The following MYLK4 variants were observed in gnomAD, a reference collection of about 807,000 sequenced individuals.
MYLK4 encodes the protein myosin light chain kinase family member 4.
A neutral mutation model predicts 48.1 loss-of-function variants in MYLK4; 46 were observed. That is an observed-to-expected ratio of 0.96 (90% CI 0.75 to 1.22). The LOEUF (loss-of-function observed/expected upper bound fraction) is 1.22. Among genes scored for constraint, MYLK4 ranks in the 50% most tolerant of loss-of-function variants. The pLI is 0.00. For missense variants in MYLK4, 451 were observed against 486.1 expected (o/e 0.93, Z 0.68); for synonymous variants, 170 against 180.8 (o/e 0.94, Z 0.48).
upstream of MYLK4, among the ~76,000 whole-genome samples, chr6:2,753,249 A>G (rs1335897591): frequency 6.6e-6 from 1 of 152,224 alleles, no homozygotes; most frequent in Non-Finnish European, 1.5e-5. Flanking sequence ...AAGGAGCCAC[A>G]TGAAGAAACA....
chr6:2,727,942 G>C (rs1763336843), intron 2 of MYLK4, among the ~76,000 whole-genome samples: 1 of 62,234 alleles, frequency 1.6e-5, no homozygotes, highest in Non-Finnish European at 3.1e-5. Flanking sequence ...GCAGGACTCC[G>C]TCTCAAAAAA....
intron 2 of MYLK4, among the ~76,000 whole-genome samples, chr6:2,717,134 T>C (rs999048124): frequency 1.3e-5 from 2 of 152,192 alleles, no homozygotes; most frequent in Non-Finnish European, 2.9e-5. Flanking sequence ...CAAGGTGAAC[T>C]CCTGAACTTT....
At chr6:2,710,960 G>A (rs898236071) in intron 2 of MYLK4, among the ~76,000 whole-genome samples, 3 of 152,144 alleles carry the variant, frequency 2.0e-5, no homozygotes, top group African/African-American at 7.2e-5. Context: ...GTGGTTTCAA[G>A]TTTATTCCTT....
At chr6:2,700,149 C>G (rs992091550) in intron 2 of MYLK4, among the ~76,000 whole-genome samples, 1 of 152,144 alleles carries the variant, frequency 6.6e-6, no homozygotes, top group Non-Finnish European at 1.5e-5. Flanking sequence ...AACGCTGAGT[C>G]CTCTGACTTG....
At chr6:2,676,348 A>T (rs1761084091) in intron 10 of MYLK4, among the ~76,000 whole-genome samples, 1 of 152,170 alleles carries the variant, frequency 6.6e-6, no homozygotes, top group Non-Finnish European at 1.5e-5. Context: ...TAATTTTTAA[A>T]AACCTCGTGA....
At chr6:2,684,381 T>G (rs1761446746) in intron 6 of MYLK4, among the ~76,000 whole-genome samples, 1 of 152,184 alleles carries the variant, frequency 6.6e-6, no homozygotes, top group Non-Finnish European at 1.5e-5. Context: ...AATTTTCCAC[T>G]TAATATTTTG....
At chr6:2,717,921 C>A (rs1762926348) in intron 2 of MYLK4, among the ~76,000 whole-genome samples, 1 of 152,168 alleles carries the variant, frequency 6.6e-6, no homozygotes, top group South Asian at 2.1e-4. Context: ...TGGCTCATGC[C>A]TGTAATCCCA....
intron 7 of MYLK4, among the ~76,000 whole-genome samples, chr6:2,681,215 G>T (rs7740719): frequency 0.25 from 37,840 of 152,038 alleles, 4,916 homozygotes; most frequent in East Asian, 0.42. Flanking sequence ...CCTTTAGTGG[G>T]ATCAGGCTCC....
chr6:2,761,770 A>C, the MYLK4 span, among the ~76,000 whole-genome samples: 3 of 152,192 alleles, frequency 2.0e-5, no homozygotes, highest in South Asian at 6.2e-4. Context: ...AAATAGCTCA[A>C]CTTCATCCAT....
intron 2 of MYLK4, among the ~76,000 whole-genome samples, chr6:2,730,100 G>A (rs956833830): frequency 2.0e-4 from 31 of 152,220 alleles, no homozygotes; most frequent in African/African-American, 4.3e-4. Context: ...GAAGCGTTCC[G>A]CAGGCCATCT....
At chr6:2,760,120 T>A in the MYLK4 span, among the ~76,000 whole-genome samples, 1 of 152,136 alleles carries the variant, frequency 6.6e-6, no homozygotes, top group Non-Finnish European at 1.5e-5. Flanking sequence ...ATTTAAAATA[T>A]ATGAGCATAT....
the MYLK4 span, chr6:2,768,745 G>A: frequency 1.2e-6 from 2 of 1,613,982 alleles, no homozygotes; most frequent in Non-Finnish European, 1.7e-6. Context: ...CATAAGGTTT[G>A]TGACATTATC....
At chr6:2,765,182 A>ACCCCCCCCCCCCCCCCCCCCCCCC in the MYLK4 span, among the ~76,000 whole-genome samples, 1 of 72,924 alleles carries the variant, frequency 1.4e-5, no homozygotes, top group African/African-American at 5.2e-5. Context: ...TCGCCTCGCA[A>ACCCCCCCCCCCCCCCCCCCCCCCC]CCCCCCCCCC....
At chr6:2,754,915 T>C (rs1158927026), upstream of MYLK4, among the ~76,000 whole-genome samples, 1 of 152,176 alleles carries the variant, frequency 6.6e-6, no homozygotes, top group Non-Finnish European at 1.5e-5. Context: ...CAATATAAGA[T>C]TTTGTAATTA....
rs1760692648 is a variant in MYLK4, at chr6:2,667,266, ACG to A, written c.*657_*658del. 2 of 151,724 alleles carry A rather than the reference ACG, an allele frequency of 1.3e-5. No homozygotes were observed. Among genetic ancestry groups the A allele is most frequent in the Admixed American group, 6.5e-5 (1 of 15,272 alleles). The allele number at this position is 151,724 out of a possible 1,614,324, so 9.4% of individuals were successfully genotyped here. On this transcript the variant is annotated 3_prime_UTR_variant, in exon 13 of 13. Coordinates refer to ENST00000274643, the MANE Select transcript of MYLK4 (RefSeq NM_001012418.5). ...GAATCAGCTACATGGAAGAAAACGCACGCTGGGGACAATTCAGAATAAATGAA... is the reference window on the plus strand; with the variant it reads ...GAATCAGCTACATGGAAGAAAACGCACTGGGGACAATTCAGAATAAATGAA...
At chr6:2,682,902 G>T in intron 7 of MYLK4, 119 bp downstream of exon 7, 2 of 1,097,478 alleles carry the variant, frequency 1.8e-6, no homozygotes, top group Non-Finnish European at 2.7e-6. Context: ...CAATTCAGAT[G>T]TTTATTCATT....
intron 2 of MYLK4, among the ~76,000 whole-genome samples, chr6:2,742,376 C>A (rs1397177583): frequency 6.6e-6 from 1 of 151,970 alleles, no homozygotes; most frequent in African/African-American, 2.4e-5. Flanking sequence ...GGGTATATAC[C>A]CAAAGGATTA....
At chr6:2,702,620 TA>T (rs1228107954) in intron 2 of MYLK4, among the ~76,000 whole-genome samples, 2 of 152,168 alleles carry the variant, frequency 1.3e-5, no homozygotes, top group Non-Finnish European at 2.9e-5. Flanking sequence ...TGTACATATT[TA>T]AAAATTGCTA....
intron 2 of MYLK4, among the ~76,000 whole-genome samples, chr6:2,741,997 T>G (rs1561881252): frequency 3.3e-5 from 5 of 152,186 alleles, no homozygotes; most frequent in African/African-American, 1.2e-4. Context: ...GATTAACACT[T>G]GGGCAACAGT....
Sources: gnomAD v4.1 joint callset for allele counts (sites outside exome capture counted in the v4.1 genomes callset) on GRCh38, gnomAD v4.1.1 for gene constraint, MANE v1.5 for transcripts, NCBI Gene and HGNC (gene_info 2026-07-23, HGNC 2026-07-21) for gene names.